Variants in EYA4 observed in about 807,000 individuals in gnomAD.
The protein encoded by EYA4 is EYA transcriptional coactivator and phosphatase 4, also known as protein phosphatase EYA4.
In EYA4, 31 loss-of-function variants were observed where a neutral mutation model predicts 87.9. That is an observed-to-expected ratio of 0.35 (90% confidence interval 0.27 to 0.48). The LOEUF (loss-of-function observed/expected upper bound fraction) is 0.48. Ranked by LOEUF, EYA4 falls within the 20% of genes least tolerant of loss-of-function variation. The pLI is 0.99. For missense variants in EYA4, 678 were observed against 761.4 expected (o/e 0.89, Z 1.29); for synonymous variants, 263 against 270.6 (o/e 0.97, Z 0.28).
intron 3 of EYA4, among the ~76,000 whole-genome samples, chr6:133,398,068 G>T (rs1469158242): frequency 6.6e-6 from 1 of 152,168 alleles, no homozygotes; most frequent in African/African-American, 2.4e-5. Flanking sequence ...CAACTGAGTG[G>T]CCATTAAATG....
At chr6:133,515,554 C>A in intron 17 of EYA4, 119 bp downstream of exon 17, 1 of 712,740 alleles carries the variant, frequency 1.4e-6, no homozygotes. Context: ...CCTAACAATT[C>A]TGAGTTCAGT....
chr6:133,339,373 C>T (rs1782617733), intron 2 of EYA4, among the ~76,000 whole-genome samples: 2 of 152,116 alleles, frequency 1.3e-5, no homozygotes, highest in African/African-American at 2.4e-5. Flanking sequence ...TCACTGTTTG[C>T]CTTTAAAGAC....
At chr6:133,450,506 C>CA (rs896171689) in intron 5 of EYA4, among the ~76,000 whole-genome samples, 109 of 152,084 alleles carry the variant, frequency 7.2e-4, no homozygotes, top group African/African-American at 2.4e-3. Context: ...CAAAAAGATT[C>CA]TTTATTTATT....
chr6:133,370,756 G>A (rs1408925824), intron 2 of EYA4, among the ~76,000 whole-genome samples: 1 of 152,092 alleles, frequency 6.6e-6, no homozygotes, highest in East Asian at 1.9e-4. Flanking sequence ...TGAAATTTGT[G>A]CTGAATTTGA....
intron 2 of EYA4, among the ~76,000 whole-genome samples, chr6:133,302,760 A>G (rs1221715300): frequency 6.6e-6 from 1 of 152,178 alleles, no homozygotes; most frequent in Admixed American, 6.5e-5. Context: ...GACAATAATA[A>G]ATTTATTTTT....
At chr6:133,486,722 G>A (rs1475293051) in intron 13 of EYA4, among the ~76,000 whole-genome samples, 1 of 152,210 alleles carries the variant, frequency 6.6e-6, no homozygotes, top group Non-Finnish European at 1.5e-5. Context: ...CATTCCAGCA[G>A]TGGGTGCTGA....
At chr6:133,293,307 A>G (rs949700372) in intron 2 of EYA4, among the ~76,000 whole-genome samples, 4 of 151,886 alleles carry the variant, frequency 2.6e-5, no homozygotes, top group African/African-American at 7.3e-5. Flanking sequence ...TTTTTTTTCT[A>G]TTACAGTTGA....
intron 2 of EYA4, among the ~76,000 whole-genome samples, chr6:133,307,467 C>T (rs893131701): frequency 6.6e-6 from 1 of 152,154 alleles, no homozygotes; most frequent in African/African-American, 2.4e-5. Context: ...AATTGAGAAC[C>T]TATTGCCATG....
At chr6:133,265,897 C>T (rs949393172) in intron 1 of EYA4, among the ~76,000 whole-genome samples, 2 of 152,190 alleles carry the variant, frequency 1.3e-5, no homozygotes, top group East Asian at 1.9e-4. Flanking sequence ...ATTTCACTTG[C>T]GTTAGCAACA....
At chr6:133,312,382 GCACACACACACA>G (rs78921867) in intron 2 of EYA4, among the ~76,000 whole-genome samples, 2 of 147,902 alleles carry the variant, frequency 1.4e-5, no homozygotes, top group East Asian at 4.0e-4. Flanking sequence ...AGAGGCGCGT[GCACACACACACA>G]CACACACACA....
Position 133,523,068 on chromosome 6 carries a change from A to T in EYA4, c.1629A>T (p.Ile543=). 1.2e-6 allele frequency: 2 copies of T among 1,611,736 alleles called. No individual in the cohort carries two copies. The highest frequency in any genetic ancestry group is 1.7e-6 in the Non-Finnish European group (2 of 1,178,084). ...LSIISTRSNC[I]NVLVTTTQLI... ...CTCCCTATTTTAGGAGTAACTGCAT[A>T]AATGTCTTGGTAACGACAACTCAAC... Residue 543 remains isoleucine (I), a synonymous_variant, in exon 18 of 20, where the codon ATA becomes ATT. Coordinates refer to ENST00000355286, the MANE Select transcript of EYA4 (RefSeq NM_004100.5).
chr6:133,330,644 T>C (rs773041140), intron 2 of EYA4, among the ~76,000 whole-genome samples: 15 of 151,408 alleles, frequency 9.9e-5, no homozygotes, highest in Non-Finnish European at 2.2e-4. Flanking sequence ...GTAGAATAAT[T>C]AAAAGCTGTA....
At position 133,299,628 on chromosome 6, in the gene EYA4, C is replaced by T. The variant is rs539089792; in HGVS notation, c.33+24815C>T. Among the ~76,000 whole-genome samples the T allele has an allele frequency of 1.6e-4, 25 of 151,774 alleles. No individual in the cohort carries two copies. In the East Asian group the frequency reaches 3.9e-3, roughly 23 times the overall value. On this transcript the variant is annotated intron_variant, in intron 2 of 19. Coordinates refer to ENST00000355286, the MANE Select transcript of EYA4 (RefSeq NM_004100.5). ...TCGGGAGGCTGAGGCAGGAGAATGGCGTGAACCCGGGAGGCGGAGCTTGTA... is the reference window on the plus strand; with the variant it reads ...TCGGGAGGCTGAGGCAGGAGAATGGTGTGAACCCGGGAGGCGGAGCTTGTA...
intron 1 of EYA4, among the ~76,000 whole-genome samples, chr6:133,262,820 T>A (rs73776007): frequency 0.041 from 6,247 of 152,264 alleles, 388 homozygotes; most frequent in African/African-American, 0.14. Flanking sequence ...TAGCTCAGCA[T>A]CTAGTTTGTA....
At chr6:133,505,502 G>A (rs1449783636) in intron 13 of EYA4, among the ~76,000 whole-genome samples, 1 of 152,116 alleles carries the variant, frequency 6.6e-6, no homozygotes, top group African/African-American at 2.4e-5. Context: ...GTCAAATGCA[G>A]GTTAGACCAA....
intron 11 of EYA4, among the ~76,000 whole-genome samples, chr6:133,474,779 G>T (rs1795580069): frequency 6.6e-6 from 1 of 152,122 alleles, no homozygotes; most frequent in Non-Finnish European, 1.5e-5. Context: ...GGAATCTGAT[G>T]TATTTAGTTC....
chr6:133,474,795 C>A (rs1369999256), intron 11 of EYA4, among the ~76,000 whole-genome samples: 1 of 152,078 alleles, frequency 6.6e-6, no homozygotes, highest in Non-Finnish European at 1.5e-5. Context: ...AGTTCAAGGG[C>A]AAGAAAAGTA....
chr6:133,448,590 T>G (rs1337430755), intron 5 of EYA4, among the ~76,000 whole-genome samples: 1 of 152,126 alleles, frequency 6.6e-6, no homozygotes, highest in Non-Finnish European at 1.5e-5. Context: ...AAATTCTTAA[T>G]TAAGGAAAGA....
chr6:133,276,490 G>A (rs768369831), intron 2 of EYA4, among the ~76,000 whole-genome samples: 10 of 152,068 alleles, frequency 6.6e-5, no homozygotes, highest in East Asian at 3.9e-4. Flanking sequence ...TCATATCACC[G>A]TTCACAAAAT....
Sources: allele counts gnomAD v4.1 joint callset (sites outside exome capture counted in the v4.1 genomes callset), GRCh38; gene constraint gnomAD v4.1.1; transcripts MANE v1.5; gene names NCBI Gene and HGNC (gene_info 2026-07-23, HGNC 2026-07-21).